The following PPP1R12B variants were observed in gnomAD, a reference collection of about 807,000 sequenced individuals.
PPP1R12B encodes the protein myosin phosphatase target subunit 2.
In PPP1R12B, 76 loss-of-function variants were observed where a neutral mutation model predicts 126.1. The ratio of observed to expected loss-of-function variants is 0.60; its 90% CI spans 0.50 to 0.73. The LOEUF (loss-of-function observed/expected upper bound fraction) is 0.73, where lower values mean the gene tolerates loss of function less well. Ranked by LOEUF, PPP1R12B falls within the 30% of genes least tolerant of loss-of-function variation. The pLI is 0.00. For missense variants in PPP1R12B, 1,052 were observed against 1,205.1 expected (o/e 0.87, Z 1.88); for synonymous variants, 356 against 434.7 (o/e 0.82, Z 2.25).
intron 13 of PPP1R12B, among the ~76,000 whole-genome samples, chr1:202,455,556 A>G (rs1433576018): frequency 6.6e-6 from 1 of 152,224 alleles, no homozygotes; most frequent in Admixed American, 6.5e-5. Flanking sequence ...TTATTCCTTT[A>G]CATGGGTGAA....
chr1:202,510,843 A>G (rs945022236), intron 18 of PPP1R12B, among the ~76,000 whole-genome samples: 2 of 148,320 alleles, frequency 1.3e-5, no homozygotes, highest in Admixed American at 6.8e-5. Context: ...GAGTTATCCA[A>G]TACAAGTTTT....
At chr1:202,441,707 C>T (rs1671636011) in intron 11 of PPP1R12B, among the ~76,000 whole-genome samples, 1 of 152,098 alleles carries the variant, frequency 6.6e-6, no homozygotes, top group African/African-American at 2.4e-5. Flanking sequence ...ATTTATAATG[C>T]TAAAGAGGCT....
At chr1:202,373,365 T>C (rs937163092) in intron 1 of PPP1R12B, among the ~76,000 whole-genome samples, 1 of 152,256 alleles carries the variant, frequency 6.6e-6, no homozygotes, top group Non-Finnish European at 1.5e-5. Flanking sequence ...CTTCTACTTT[T>C]AGTGTTGTAT....
At chr1:202,569,980 A>T (rs1558387847) in intron 23 of PPP1R12B, among the ~76,000 whole-genome samples, 1 of 152,222 alleles carries the variant, frequency 6.6e-6, no homozygotes, top group Non-Finnish European at 1.5e-5. Flanking sequence ...CAAGATGGAT[A>T]CAGAGCTGCA....
At chr1:202,409,613 C>T (rs1487121339) in intron 1 of PPP1R12B, among the ~76,000 whole-genome samples, 4 of 152,126 alleles carry the variant, frequency 2.6e-5, no homozygotes, top group African/African-American at 7.2e-5. Flanking sequence ...ACCCACAACG[C>T]CCAGCCAACA....
At chr1:202,418,106 A>G (rs1668318563) in intron 2 of PPP1R12B, among the ~76,000 whole-genome samples, 2 of 152,236 alleles carry the variant, frequency 1.3e-5, no homozygotes, top group Admixed American at 1.3e-4. Context: ...GTTCCAATTT[A>G]GTAAAAGTCA....
chr1:202,479,557 C>G (rs1677093641), intron 13 of PPP1R12B, among the ~76,000 whole-genome samples: 1 of 152,168 alleles, frequency 6.6e-6, no homozygotes, highest in African/African-American at 2.4e-5. Flanking sequence ...GATTGGAGTT[C>G]AGAAAGAGAG....
At chr1:202,562,526 C>A in intron 19 of PPP1R12B, 1 of 610,020 alleles carries the variant, frequency 1.6e-6, no homozygotes, top group East Asian at 3.6e-5. Context: ...GCTCATAGGT[C>A]CAAACCACTA....
At chr1:202,446,234 C>CTATATATATATA (rs1425448886) in intron 12 of PPP1R12B, among the ~76,000 whole-genome samples, 1 of 88,396 alleles carries the variant, frequency 1.1e-5, no homozygotes, top group Non-Finnish European at 2.3e-5. Flanking sequence ...CTCTCTCTCT[C>CTATATATATATA]TCTATATATA....
At chr1:202,422,029 A>G (rs1668858400) in intron 2 of PPP1R12B, among the ~76,000 whole-genome samples, 1 of 152,246 alleles carries the variant, frequency 6.6e-6, no homozygotes. Flanking sequence ...AAAATCAAAA[A>G]GGATCTATGT....
intron 1 of PPP1R12B, among the ~76,000 whole-genome samples, chr1:202,387,318 T>A (rs927530899): frequency 1.4e-4 from 22 of 152,220 alleles, no homozygotes; most frequent in African/African-American, 5.3e-4. Flanking sequence ...AAGGTTTCAT[T>A]GAGTTCTAAA....
intron 1 of PPP1R12B, among the ~76,000 whole-genome samples, chr1:202,385,758 T>G (rs1328738565): frequency 6.6e-6 from 1 of 152,212 alleles, no homozygotes; most frequent in Admixed American, 6.5e-5. Context: ...TGTCATATTA[T>G]TATGGATTAA....
At chr1:202,563,748 G>A (rs957545535) in intron 20 of PPP1R12B, among the ~76,000 whole-genome samples, 41 of 152,028 alleles carry the variant, frequency 2.7e-4, no homozygotes, top group African/African-American at 7.2e-4. Context: ...AGGTGTTTGC[G>A]ATACCAGGAA....
rs375738507 is a variant in PPP1R12B, at chr1:202,564,565, G to C, written c.2757+18G>C. On this transcript the variant is annotated intron_variant, in intron 21 of 23. Transcript: ENST00000608999. ...TGGCCCAGGTAAGACGGAAGAAGAA[G>C]AAAAAAGATGAGAACCAAGGGTTGA... 7 of 1,572,216 alleles carry C rather than the reference G, an allele frequency of 4.5e-6. No homozygotes were observed. In the East Asian group the frequency reaches 6.7e-5, roughly 15 times the overall value.
intron 22 of PPP1R12B, among the ~76,000 whole-genome samples, 176 bp from the exon 23 acceptor site, chr1:202,568,971 G>T (rs1024608362): frequency 6.6e-6 from 1 of 152,090 alleles, no homozygotes; most frequent in Non-Finnish European, 1.5e-5. Flanking sequence ...CAGTGAGGTA[G>T]CTCCATCTTA....
At chr1:202,356,287 A>G (rs1657087156) in intron 1 of PPP1R12B, among the ~76,000 whole-genome samples, 1 of 152,196 alleles carries the variant, frequency 6.6e-6, no homozygotes, top group African/African-American at 2.4e-5. Flanking sequence ...TATTTGAGAC[A>G]AGAGACTTGA....
intron 13 of PPP1R12B, among the ~76,000 whole-genome samples, chr1:202,465,449 C>A (rs1487643882): frequency 5.9e-5 from 9 of 152,180 alleles, no homozygotes; most frequent in Non-Finnish European, 1.2e-4. Flanking sequence ...TGAAAACTTG[C>A]TAGCCTCTCT....
At chr1:202,379,825 CTGTT>C (rs1268296794) in intron 1 of PPP1R12B, among the ~76,000 whole-genome samples, 8 of 152,256 alleles carry the variant, frequency 5.3e-5, no homozygotes, top group African/African-American at 1.9e-4. Flanking sequence ...CAGATTCTGT[CTGTT>C]TAAGAATGAG....
chr1:202,481,490 A>G (rs1677351608), intron 13 of PPP1R12B, among the ~76,000 whole-genome samples: 1 of 152,212 alleles, frequency 6.6e-6, no homozygotes, highest in Non-Finnish European at 1.5e-5. Context: ...ATGAAAATGT[A>G]AAACAATGCC....
Sources: allele counts gnomAD v4.1 joint callset (sites outside exome capture counted in the v4.1 genomes callset), GRCh38; gene constraint gnomAD v4.1.1; transcripts MANE v1.5; gene names NCBI Gene and HGNC (gene_info 2026-07-23, HGNC 2026-07-21).